Variants in FRAS1 observed in about 807,000 individuals in gnomAD.
The protein encoded by FRAS1 is extracellular matrix organizing protein FRAS1.
Under a neutral mutation model 435.2 loss-of-function variants are expected in FRAS1, and 290 were observed. The ratio of observed to expected loss-of-function variants is 0.67; its 90% CI spans 0.61 to 0.73. FRAS1 has a LOEUF of 0.73. Ranked by LOEUF, FRAS1 falls within the 30% of genes least tolerant of loss-of-function variation. The probability of loss-of-function intolerance (pLI) is 0.00; values close to 1 mark genes in which losing one functional copy is unlikely to be tolerated. For missense variants in FRAS1, 4,860 were observed against 5,001.5 expected (o/e 0.97, Z 0.85); for synonymous variants, 1,800 against 1,851.0 (o/e 0.97, Z 0.71).
intron 29 of FRAS1, among the ~76,000 whole-genome samples, chr4:78,397,699 C>T (rs1441951214): frequency 6.6e-6 from 1 of 152,182 alleles, no homozygotes; most frequent in South Asian, 2.1e-4. Flanking sequence ...TGCTTCTCTT[C>T]CCTGTTCCTT....
At chr4:78,076,723 C>T (rs563748766) in intron 2 of FRAS1, among the ~76,000 whole-genome samples, 1 of 152,160 alleles carries the variant, frequency 6.6e-6, no homozygotes, top group African/African-American at 2.4e-5. Flanking sequence ...TTCTTCATAG[C>T]CTGAGGACCT....
Position 78,135,916 on chromosome 4 carries a change from T to TA in FRAS1, c.108+69901dup, listed in dbSNP as rs112302636. ...ACCGAACTGTTGCTCCTAAGGGAAA[T>TA]ATAAGTTTAGGATCCTCCTGTGAGC... On this transcript the variant is annotated intron_variant, in intron 2 of 73. Coordinates refer to ENST00000512123, the MANE Select transcript of FRAS1 (RefSeq NM_025074.7). Among the ~76,000 whole-genome samples the TA allele has an allele frequency of 2.4e-3, 365 of 152,284 alleles. 7 individuals carry two copies. The highest frequency in any genetic ancestry group is 8.5e-3 in the African/African-American group (353 of 41,544).
chr4:78,365,281 G>A (rs2110298121), intron 22 of FRAS1, among the ~76,000 whole-genome samples: 1 of 152,204 alleles, frequency 6.6e-6, no homozygotes. Context: ...ACTTTTTTGG[G>A]CTAGTGGGAA....
chr4:78,339,439 T>C (rs1341310011), intron 20 of FRAS1, among the ~76,000 whole-genome samples: 1 of 152,082 alleles, frequency 6.6e-6, no homozygotes, highest in Non-Finnish European at 1.5e-5. Flanking sequence ...ACAAAGCAAT[T>C]TAGGGACAGT....
chr4:78,363,840 ACTTGGGGTG>A lies in FRAS1; in HGVS notation c.2576-65_2576-57del, dbSNP rs1357171235. 7.1e-6 allele frequency: 11 copies of A among 1,543,182 alleles called. No homozygotes were observed. The South Asian group carries it at 1.1e-4, about 16-fold the overall frequency. ...TCAGTGTTGGGACTTTATTACCCAC[ACTTGGGGTG>A]CTGCTTTGGAAGAGAATCTGACATC... On this transcript the variant is annotated intron_variant, in intron 21 of 73. Transcript: ENST00000512123.
At position 78,477,958 on chromosome 4, in the gene FRAS1, C is replaced by G; in HGVS notation, c.7995C>G (p.Val2665=). The G allele has an allele frequency of 1.2e-6, 2 of 1,613,354 alleles. No individual in the cohort carries two copies. Among genetic ancestry groups the G allele is most frequent in the Non-Finnish European group, 1.7e-6 (2 of 1,179,704 alleles). ...ALLGEFTQAK[V]IINDTEDEPT... ...TAGGGGAATTCACCCAGGCGAAGGT[C>G]ATTATCAACGATACCGAGGATGAAC... Residue 2665 remains valine (V), a synonymous_variant, in exon 55 of 74, where the codon GTC becomes GTG. Transcript: ENST00000512123.
intron 2 of FRAS1, among the ~76,000 whole-genome samples, chr4:78,084,554 T>A (rs1442845251): frequency 1.3e-5 from 2 of 152,150 alleles, no homozygotes; most frequent in Non-Finnish European, 2.9e-5. Context: ...GCTGGTAATA[T>A]TCTTTGCTGC....
intron 35 of FRAS1, 150 bp from the exon 36 acceptor site, chr4:78,428,945 A>G (rs1257778858): frequency 3.3e-6 from 2 of 600,602 alleles, no homozygotes; most frequent in Non-Finnish European, 5.6e-6. Flanking sequence ...GCATCTCTTC[A>G]AAGGTTAAAG....
intron 2 of FRAS1, among the ~76,000 whole-genome samples, chr4:78,198,935 T>G (rs1055922596): frequency 2.0e-5 from 3 of 152,220 alleles, no homozygotes; most frequent in African/African-American, 7.2e-5. Context: ...GTTAATTGAC[T>G]GTTTATATTA....
At chr4:78,312,859 A>AGAGAGAGAGAG (rs1553943110) in intron 15 of FRAS1, among the ~76,000 whole-genome samples, 187 of 121,752 alleles carry the variant, frequency 1.5e-3, no homozygotes, top group African/African-American at 4.4e-3. Flanking sequence ...GAAAGAAAGA[A>AGAGAGAGAGAG]AGAGAGAGAG....
At chr4:78,360,047 A>G (rs1227475753) in intron 20 of FRAS1, among the ~76,000 whole-genome samples, 1 of 152,218 alleles carries the variant, frequency 6.6e-6, no homozygotes, top group Non-Finnish European at 1.5e-5. Context: ...TGAGAACTCC[A>G]GAGACTTGAT....
At chr4:78,173,851 G>C (rs1721655442) in intron 2 of FRAS1, among the ~76,000 whole-genome samples, 1 of 152,186 alleles carries the variant, frequency 6.6e-6, no homozygotes, top group South Asian at 2.1e-4. Context: ...ACCATCATGG[G>C]TAAAAATGAC....
intron 2 of FRAS1, among the ~76,000 whole-genome samples, chr4:78,114,943 T>A (rs992879773): frequency 2.0e-5 from 3 of 152,158 alleles, no homozygotes; most frequent in African/African-American, 7.2e-5. Flanking sequence ...TTTTGCCCAT[T>A]CAGTATGATA....
At chr4:78,176,500 T>C (rs1016830555) in intron 2 of FRAS1, among the ~76,000 whole-genome samples, 1 of 152,214 alleles carries the variant, frequency 6.6e-6, no homozygotes, top group African/African-American at 2.4e-5. Flanking sequence ...GCTACATTGC[T>C]TAAATCTCAT....
At position 78,411,662 on chromosome 4, in the gene FRAS1, C is replaced by T. The variant is rs559154674; in HGVS notation, c.4309-1307C>T. Among the ~76,000 whole-genome samples the T allele has an allele frequency of 2.6e-5, 4 of 152,306 alleles. No homozygotes were observed. The East Asian group carries it at 7.7e-4, about 29-fold the overall frequency. Reference sequence around the variant, plus strand: ...GGAAATGTGGTTCAAAACAGACCAACACATCTCCCATCAGTGTCTTTACTA... The same window carrying T: ...GGAAATGTGGTTCAAAACAGACCAATACATCTCCCATCAGTGTCTTTACTA... On this transcript the variant is annotated intron_variant, in intron 31 of 73. Transcript: ENST00000512123.
intron 3 of FRAS1, among the ~76,000 whole-genome samples, chr4:78,244,070 A>G (rs1725125809): frequency 6.6e-6 from 1 of 152,154 alleles, no homozygotes; most frequent in African/African-American, 2.4e-5. Flanking sequence ...TTTATCCTTT[A>G]TCAAAAAAAT....
Position 78,539,394 on chromosome 4 carries a change from T to A in FRAS1, c.11399T>A (p.Met3800Lys), listed in dbSNP as rs1451457394. ...ELPDFHVVSNMPGVDGFTLKV... is the reference protein window; with the variant it reads ...ELPDFHVVSNKPGVDGFTLKV... ...CCTGATTTCCATGTGGTCAGTAACATGCCAGGTGTGGATGGATTTACTCTA... is the reference window on the plus strand; with the variant it reads ...CCTGATTTCCATGTGGTCAGTAACAAGCCAGGTGTGGATGGATTTACTCTA... The change falls in exon 73 of 74, where the codon ATG becomes AAG. Residue 3800 changes from methionine (M) to lysine (K), a missense_variant. By Grantham distance (95) the Met-to-Lys change is moderately conservative. Transcript: ENST00000512123. The A allele has an allele frequency of 6.2e-7, 1 of 1,612,244 alleles. No homozygotes were observed. Among genetic ancestry groups the A allele is most frequent in the Non-Finnish European group, 8.5e-7 (1 of 1,179,274 alleles).
rs1733807289 is a variant in FRAS1 at position 78,421,990 on chromosome 4, C to T, written c.4668C>T (p.Phe1556=). ...AAPHLQELMA[F]SFAGLPESVK... is the part of the protein sequence containing the mutation. ...CCCACCTCCAGGAGCTCATGGCCTTCTCGTTCGCTGGTAATGCTCTCCTCT... is the reference window on the plus strand; with the variant it reads ...CCCACCTCCAGGAGCTCATGGCCTTTTCGTTCGCTGGTAATGCTCTCCTCT... Residue 1556 remains phenylalanine (F), a synonymous_variant, in exon 34 of 74, where the codon TTC becomes TTT. Transcript: ENST00000512123. 6.2e-7 allele frequency: 1 copy of T among 1,611,698 alleles called. No individual in the cohort carries two copies. Among genetic ancestry groups the T allele is most frequent in the Non-Finnish European group, 8.5e-7 (1 of 1,178,696 alleles).
At chr4:78,471,002 T>C (rs893364367) in intron 51 of FRAS1, among the ~76,000 whole-genome samples, 2 of 152,184 alleles carry the variant, frequency 1.3e-5, no homozygotes, top group South Asian at 2.1e-4. Context: ...TAAAACATTG[T>C]TCACTAGAAG....
Sources: gnomAD v4.1 joint callset for allele counts (sites outside exome capture counted in the v4.1 genomes callset) on GRCh38, gnomAD v4.1.1 for gene constraint, MANE v1.5 for transcripts, NCBI Gene and HGNC (gene_info 2026-07-23, HGNC 2026-07-21) for gene names.